FRMD4A: variants seen among roughly 807,000 people sequenced by gnomAD.
FRMD4A encodes the protein FERM domain containing 4A.
FRMD4A carries 29 observed loss-of-function variants against 129.1 expected under a neutral mutation model. The observed-to-expected ratio is 0.22, with a 90% CI of 0.17 to 0.31. The LOEUF (loss-of-function observed/expected upper bound fraction) is 0.31. Ranked by LOEUF, FRMD4A falls within the 10% of genes least tolerant of loss-of-function variation. The probability of loss-of-function intolerance (pLI) is 1.00; values close to 1 mark genes in which losing one functional copy is unlikely to be tolerated. For synonymous variants in FRMD4A, 634 were observed against 571.6 expected (o/e 1.11, Z -1.56); for missense variants, 1,272 against 1,375.8 (o/e 0.92, Z 1.19).
intron 6 of FRMD4A, among the ~76,000 whole-genome samples, chr10:13,772,511 C>T (rs2092486508): frequency 6.6e-6 from 1 of 152,162 alleles, no homozygotes; most frequent in Admixed American, 6.6e-5. Flanking sequence ...GCCTTACAAA[C>T]ATTCTCTTCT....
intron 2 of FRMD4A, among the ~76,000 whole-genome samples, chr10:14,105,074 C>T (rs1588984392): frequency 6.6e-6 from 1 of 152,196 alleles, no homozygotes; most frequent in South Asian, 2.1e-4. Context: ...CTCTCATTCT[C>T]ACAACCTCAG....
intron 2 of FRMD4A, among the ~76,000 whole-genome samples, chr10:13,873,601 C>T (rs1589119746): frequency 6.6e-6 from 1 of 152,186 alleles, no homozygotes; most frequent in African/African-American, 2.4e-5. Flanking sequence ...GGCTGGAGTG[C>T]AATGGTACGA....
At chr10:14,198,828 C>G (rs567581597) in intron 2 of FRMD4A, among the ~76,000 whole-genome samples, 1 of 152,102 alleles carries the variant, frequency 6.6e-6, no homozygotes, top group Non-Finnish European at 1.5e-5. Context: ...TTATGAGCTG[C>G]GAGACCGCTC....
At chr10:14,281,332 T>C (rs1845514228) in intron 2 of FRMD4A, among the ~76,000 whole-genome samples, 1 of 152,184 alleles carries the variant, frequency 6.6e-6, no homozygotes, top group African/African-American at 2.4e-5. Flanking sequence ...CACAGACTGG[T>C]ACAGCAGGAA....
At chr10:13,664,446 G>A (rs141246328) in intron 18 of FRMD4A, among the ~76,000 whole-genome samples, 1 of 151,932 alleles carries the variant, frequency 6.6e-6, no homozygotes, top group Non-Finnish European at 1.5e-5. Flanking sequence ...GATGAGATAG[G>A]GAAAGATGGT....
chr10:14,274,033 C>T (rs974118489), intron 2 of FRMD4A, among the ~76,000 whole-genome samples: 7 of 152,114 alleles, frequency 4.6e-5, no homozygotes, highest in East Asian at 1.9e-4. Flanking sequence ...ATAATTATGA[C>T]GAATGCTCAA....
intron 6 of FRMD4A, among the ~76,000 whole-genome samples, chr10:13,776,432 G>A (rs933647862): frequency 9.9e-5 from 15 of 152,046 alleles, no homozygotes; most frequent in Non-Finnish European, 1.5e-4. Context: ...TTTTTAACAG[G>A]AATTCAACAA....
chr10:14,246,450 C>CAT (rs1267600076), intron 2 of FRMD4A, among the ~76,000 whole-genome samples: 1 of 152,070 alleles, frequency 6.6e-6, no homozygotes, highest in African/African-American at 2.4e-5. Flanking sequence ...CACAATCACA[C>CAT]ATATATACAG....
intron 14 of FRMD4A, among the ~76,000 whole-genome samples, chr10:13,696,685 A>T (rs7901792): frequency 0.36 from 55,426 of 151,936 alleles, 10,623 homozygotes; most frequent in African/African-American, 0.49. Flanking sequence ...CGGAGGTTGC[A>T]GTGAGCTGAG....
intron 6 of FRMD4A, among the ~76,000 whole-genome samples, chr10:13,769,371 C>T (rs760893179): frequency 4.6e-5 from 7 of 152,030 alleles, no homozygotes; most frequent in South Asian, 4.2e-4. Flanking sequence ...TGCAGTGACA[C>T]CATCTCGGCT....
intron 6 of FRMD4A, among the ~76,000 whole-genome samples, chr10:13,771,990 C>T (rs2092468454): frequency 6.6e-6 from 1 of 151,282 alleles, no homozygotes; most frequent in African/African-American, 2.4e-5. Flanking sequence ...GTCGCATGCC[C>T]ATAGTAGTCC....
Position 14,241,683 on chromosome 10 carries a change from T to TA in FRMD4A, c.45+88374dup, listed in dbSNP as rs71388168. 1.9e-3 allele frequency among the ~76,000 whole-genome samples: 45 copies of TA among 23,416 alleles called. 7 individuals carry two copies. The highest frequency in any genetic ancestry group is 3.3e-3 in the African/African-American group (19 of 5,702). 15.4% of individuals were successfully genotyped at this position (23,416 alleles called of 152,430 possible). ...GGAGAGGGATTTGTTTTACCCTCCC[T>TA]AAAAAAAAAAAAAAAAAAAAAAAAA... On this transcript the variant is annotated intron_variant, in intron 2 of 24. Transcript: ENST00000357447.
chr10:13,859,032 G>A (rs530577049), intron 2 of FRMD4A, 120 bp from the exon 3 acceptor site: 20 of 725,652 alleles, frequency 2.8e-5, no homozygotes, highest in South Asian at 5.9e-5. Context: ...TCTGGGAGTC[G>A]GCACTGTATA....
intron 14 of FRMD4A, among the ~76,000 whole-genome samples, chr10:13,698,175 C>T (rs139706919): frequency 7.9e-4 from 120 of 152,180 alleles, no homozygotes; most frequent in African/African-American, 2.8e-3. Flanking sequence ...AGAAAAAACC[C>T]GAGTGTCAGG....
intron 2 of FRMD4A, among the ~76,000 whole-genome samples, chr10:14,039,621 C>T (rs1232783797): frequency 6.6e-6 from 1 of 152,132 alleles, no homozygotes; most frequent in Non-Finnish European, 1.5e-5. Flanking sequence ...CATCCCTCTG[C>T]TCACTGAGAT....
chr10:13,654,883 C>T lies in FRMD4A; in HGVS notation c.2954-371G>A, dbSNP rs974841527. 9 of 249,292 alleles carry T rather than the reference C, an allele frequency of 3.6e-5. No homozygotes were observed. The East Asian group carries it at 8.0e-4, about 22-fold the overall frequency. The allele number at this position is 249,292 out of a possible 1,614,324, so 15.4% of individuals were successfully genotyped here. The stretch of plus-strand genomic sequence containing the variant: ...TGTCCCCATAGTCCTTTGAGCGAGA[C>T]CTGAGCAGGGCTCATACAGGGAGGG... On this transcript the variant is annotated intron_variant, in intron 22 of 24. Coordinates refer to ENST00000357447, the MANE Select transcript of FRMD4A (RefSeq NM_018027.5).
chr10:13,930,464 C>T (rs544898087), intron 2 of FRMD4A, among the ~76,000 whole-genome samples: 25 of 152,286 alleles, frequency 1.6e-4, no homozygotes, highest in African/African-American at 5.8e-4. Flanking sequence ...GAAAGGAAAC[C>T]TCAGCTCTGC....
Position 14,082,282 on chromosome 10 carries a change from T to G in FRMD4A, c.46-223370A>C, listed in dbSNP as rs181551045. Among the ~76,000 whole-genome samples, 70 of 152,312 alleles carry G rather than the reference T, an allele frequency of 4.6e-4. 2 individuals are homozygous for G. The East Asian group carries it at 9.1e-3, about 20-fold the overall frequency. ...ACAAACACAATCTAAGATATTTTTATTAATAGCCCAGGCTTGGATTCTGCA... is the reference window on the plus strand; with the variant it reads ...ACAAACACAATCTAAGATATTTTTAGTAATAGCCCAGGCTTGGATTCTGCA... On this transcript the variant is annotated intron_variant, in intron 2 of 24. Coordinates refer to ENST00000357447, the MANE Select transcript of FRMD4A (RefSeq NM_018027.5).
At chr10:14,268,350 G>A (rs990573309) in intron 2 of FRMD4A, among the ~76,000 whole-genome samples, 3 of 152,142 alleles carry the variant, frequency 2.0e-5, no homozygotes, top group East Asian at 1.9e-4. Context: ...CAATGCCCAC[G>A]ACAGATCATT....
Sources: allele counts gnomAD v4.1 joint callset (sites outside exome capture counted in the v4.1 genomes callset), GRCh38; gene constraint gnomAD v4.1.1; transcripts MANE v1.5; gene names NCBI Gene and HGNC (gene_info 2026-07-23, HGNC 2026-07-21).